COL6A6: variants seen among roughly 807,000 people sequenced by gnomAD.
The protein encoded by COL6A6 is collagen type VI alpha 6 chain.
Under a neutral mutation model 208.6 loss-of-function variants are expected in COL6A6, and 183 were observed. The ratio of observed to expected loss-of-function variants is 0.88; its 90% CI spans 0.78 to 0.99. The LOEUF (loss-of-function observed/expected upper bound fraction) is 0.99, where lower values mean the gene tolerates loss of function less well. Ranked by LOEUF, COL6A6 falls within the 50% of genes least tolerant of loss-of-function variation. The pLI, the probability that COL6A6 is intolerant of heterozygous loss-of-function variation, is 0.00. For missense variants in COL6A6, 2,816 were observed against 2,815.2 expected (o/e 1.00, Z -0.01); for synonymous variants, 973 against 1,011.8 (o/e 0.96, Z 0.73).
chr3:130,545,216 G>A (rs75573357), intron 1 of COL6A6, among the ~76,000 whole-genome samples: 4,974 of 152,178 alleles, frequency 0.033, 288 homozygotes, highest in African/African-American at 0.11. Context: ...TAAGATACAT[G>A]TCCAGTTTCA....
chr3:130,597,038 C>T (rs143428745), intron 18 of COL6A6, among the ~76,000 whole-genome samples: 42 of 152,248 alleles, frequency 2.8e-4, no homozygotes, highest in Non-Finnish European at 4.6e-4. Flanking sequence ...TTGTTCTGTT[C>T]TGTAAAATGT....
chr3:130,670,582 T>C (rs2066187631), intron 36 of COL6A6, among the ~76,000 whole-genome samples: 1 of 152,114 alleles, frequency 6.6e-6, no homozygotes. Flanking sequence ...TTCCCTGGGG[T>C]TCCCCCACCC....
intron 13 of COL6A6, among the ~76,000 whole-genome samples, chr3:130,591,631 A>G (rs1286042975): frequency 1.3e-5 from 2 of 152,254 alleles, no homozygotes; most frequent in African/African-American, 4.8e-5. Context: ...TACTTAACAA[A>G]TATTTGTAGG....
chr3:130,592,315 A>G (rs778873957), intron 13 of COL6A6, among the ~76,000 whole-genome samples: 9 of 152,190 alleles, frequency 5.9e-5, no homozygotes, highest in Admixed American at 1.3e-4. Flanking sequence ...ACTTGGTGAG[A>G]GAGAAGTCTC....
At chr3:130,553,530 C>A (rs1436169090) in intron 1 of COL6A6, among the ~76,000 whole-genome samples, 1 of 151,992 alleles carries the variant, frequency 6.6e-6, no homozygotes, top group African/African-American at 2.4e-5. Flanking sequence ...ATGACCATTT[C>A]TTCTTTCATC....
chr3:130,605,223 T>C (rs1012419348), intron 20 of COL6A6, among the ~76,000 whole-genome samples: 9 of 152,242 alleles, frequency 5.9e-5, no homozygotes, highest in African/African-American at 2.2e-4. Flanking sequence ...TTTCCTGATT[T>C]GACCAACTGG....
At chr3:130,613,989 T>C (rs1345143890) in intron 23 of COL6A6, among the ~76,000 whole-genome samples, 1 of 152,202 alleles carries the variant, frequency 6.6e-6, no homozygotes, top group African/African-American at 2.4e-5. Flanking sequence ...CCTTTCTTCA[T>C]ATTTGGATGC....
chr3:130,627,027 A>G (rs899060929), intron 25 of COL6A6, among the ~76,000 whole-genome samples: 3 of 152,168 alleles, frequency 2.0e-5, no homozygotes, highest in Middle Eastern at 3.2e-3. Context: ...AAAGATTATT[A>G]TATGCCTGAT....
intron 28 of COL6A6, among the ~76,000 whole-genome samples, chr3:130,636,693 A>G (rs1269721094): frequency 1.3e-5 from 2 of 150,576 alleles, no homozygotes; most frequent in Admixed American, 1.3e-4. Flanking sequence ...TGTAGGTTTT[A>G]GGGGTACAAA....
intron 12 of COL6A6, among the ~76,000 whole-genome samples, chr3:130,590,716 C>T (rs982896279): frequency 6.6e-6 from 1 of 151,904 alleles, no homozygotes; most frequent in African/African-American, 2.4e-5. Context: ...CACAGGCACC[C>T]GCCACCACAC....
chr3:130,521,115 ATT>A (rs1199934369), intron 1 of COL6A6, among the ~76,000 whole-genome samples: 1 of 152,214 alleles, frequency 6.6e-6, no homozygotes, highest in East Asian at 1.9e-4. Context: ...GTGAACATTG[ATT>A]TGACTCTAAA....
intron 29 of COL6A6, among the ~76,000 whole-genome samples, chr3:130,642,408 GC>G (rs1273677940): frequency 6.6e-6 from 1 of 152,100 alleles, no homozygotes; most frequent in East Asian, 1.9e-4. Context: ...CTGTTCAGTG[GC>G]TCAGTCAAAG....
intron 23 of COL6A6, among the ~76,000 whole-genome samples, chr3:130,611,880 C>T (rs944926322): frequency 6.6e-6 from 1 of 152,100 alleles, no homozygotes; most frequent in African/African-American, 2.4e-5. Context: ...TATTATTTTG[C>T]CACCCAGATA....
intron 1 of COL6A6, among the ~76,000 whole-genome samples, chr3:130,527,863 A>G (rs2061993089): frequency 1.4e-5 from 2 of 140,354 alleles, no homozygotes; most frequent in Admixed American, 7.1e-5. Flanking sequence ...GTTGTTTCCC[A>G]TCAAGTTACT....
chr3:130,550,918 C>A (rs2062627777), intron 1 of COL6A6, among the ~76,000 whole-genome samples: 1 of 152,138 alleles, frequency 6.6e-6, no homozygotes, highest in Non-Finnish European at 1.5e-5. Flanking sequence ...TTGAGATAAT[C>A]ATGTGGTTTT....
intron 23 of COL6A6, among the ~76,000 whole-genome samples, chr3:130,613,317 T>C (rs1299162373): frequency 6.6e-6 from 1 of 152,172 alleles, no homozygotes; most frequent in Non-Finnish European, 1.5e-5. Flanking sequence ...AAAGATCAGA[T>C]AGTTGTAGGT....
rs2062990686 is a variant in COL6A6 at position 130,565,315 on chromosome 3, A to G, written c.983A>G (p.Lys328Arg). Residue 328 changes from lysine to arginine, a missense_variant, in exon 4 of 37, where the codon AAG (lysine) becomes AGG (arginine). Physicochemically the swap from Lys to Arg is conservative, Grantham distance 26. Coordinates refer to ENST00000358511, the MANE Select transcript of COL6A6 (RefSeq NM_001102608.3). ...TTTAGTGCACGGAATGGCAGTCGGA[A>G]GAATCAGGGGGTGCCCCAGATTGCC... Reference protein sequence around the residue: ...EVFSARNGSRKNQGVPQIAVL... With the variant: ...EVFSARNGSRRNQGVPQIAVL... The G allele has an allele frequency of 1.9e-6, 3 of 1,613,946 alleles. No homozygotes were observed. Among genetic ancestry groups the G allele is most frequent in the Non-Finnish European group, 2.5e-6 (3 of 1,179,912 alleles).
intron 1 of COL6A6, among the ~76,000 whole-genome samples, chr3:130,531,015 T>TACACACAC (rs58738761): frequency 1.4e-5 from 2 of 143,774 alleles, no homozygotes; most frequent in African/African-American, 2.6e-5. Context: ...CCCCCTCCTC[T>TACACACAC]ACACACACAC....
rs569350207 is a variant in COL6A6, at chr3:130,574,604, C to G, written c.3547+79C>G. 8 of 1,181,488 alleles carry G rather than the reference C, an allele frequency of 6.8e-6. No homozygotes were observed. The South Asian group carries it at 9.9e-5, about 15-fold the overall frequency. 73.2% of individuals were successfully genotyped at this position (1,181,488 alleles called of 1,614,324 possible). On this transcript the variant is annotated intron_variant, in intron 8 of 36. Coordinates refer to ENST00000358511, the MANE Select transcript of COL6A6 (RefSeq NM_001102608.3). ...TTTCTTCCAGCTCCATTGTCATCCC[C>G]TGGGGCTAGTGGGAGAATTTAGATT... is the stretch of plus-strand genomic sequence containing the variant.
Sources: allele counts gnomAD v4.1 joint callset (sites outside exome capture counted in the v4.1 genomes callset), GRCh38; gene constraint gnomAD v4.1.1; transcripts MANE v1.5; gene names NCBI Gene and HGNC (gene_info 2026-07-23, HGNC 2026-07-21).